The following WDR70 variants were observed in gnomAD, a reference collection of about 807,000 sequenced individuals.
WDR70 encodes the protein WD repeat domain 70.
A neutral mutation model predicts 88.6 loss-of-function variants in WDR70; 53 were observed. The observed-to-expected ratio is 0.60, with a 90% CI of 0.48 to 0.75. The LOEUF (loss-of-function observed/expected upper bound fraction) is 0.75, where lower values mean the gene tolerates loss of function less well. Among genes scored for constraint, WDR70 ranks in the 30% least tolerant of loss-of-function variants. The probability of loss-of-function intolerance (pLI) is 0.00; values close to 1 mark genes in which losing one functional copy is unlikely to be tolerated. For missense variants in WDR70, 610 were observed against 823.2 expected (o/e 0.74, Z 3.17); for synonymous variants, 280 against 270.0 (o/e 1.04, Z -0.36).
In WDR70 at chr5:37,697,740, T is replaced by G. The variant is rs761705532; in HGVS notation, c.1178T>G (p.Leu393Arg). 1 of 1,613,534 alleles carries G rather than the reference T, an allele frequency of 6.2e-7. No homozygotes were observed. Among genetic ancestry groups the G allele is most frequent in the Non-Finnish European group, 8.5e-7 (1 of 1,179,518 alleles). The change falls in exon 11 of 18, where the codon CTT becomes CGT. Residue 393 changes from leucine (L) to arginine (R), a missense_variant. Physicochemically the swap from Leu to Arg is moderately radical, Grantham distance 102 (BLOSUM62 -2). This residue lies in a region of WDR70 where 254 missense variants were observed against 300.7 expected (regional missense o/e 0.84). Coordinates refer to ENST00000265107, the MANE Select transcript of WDR70 (RefSeq NM_018034.4). ...ACTTTTTCCTATGATGGTAATGTCC[T>G]TGCCTCTCGTGGAGGTAGGTTAAAA... is the stretch of plus-strand genomic sequence containing the variant. ...CVTFSYDGNV[L>R]ASRGGDDSLK...
chr5:37,403,658 A>T (rs888299351), intron 5 of WDR70, among the ~76,000 whole-genome samples: 1 of 152,204 alleles, frequency 6.6e-6, no homozygotes, highest in South Asian at 2.1e-4. Flanking sequence ...ATATTGTTGA[A>T]ATTAATGGGG....
At chr5:37,711,082 A>G (rs1747498957) in intron 13 of WDR70, among the ~76,000 whole-genome samples, 1 of 152,112 alleles carries the variant, frequency 6.6e-6, no homozygotes, top group Non-Finnish European at 1.5e-5. Context: ...AACAGTACAG[A>G]TTATAGCAAA....
At chr5:37,468,878 G>C (rs1426774210) in intron 7 of WDR70, among the ~76,000 whole-genome samples, 2 of 152,054 alleles carry the variant, frequency 1.3e-5, no homozygotes, top group Admixed American at 6.6e-5. Flanking sequence ...GAAGTATATG[G>C]GAGGATGTGC....
chr5:37,687,578 T>G (rs1315088324), intron 10 of WDR70, among the ~76,000 whole-genome samples: 2 of 152,188 alleles, frequency 1.3e-5, no homozygotes, highest in African/African-American at 4.8e-5. Flanking sequence ...ATAATGTTCC[T>G]TTAAAGGGAA....
intron 10 of WDR70, among the ~76,000 whole-genome samples, chr5:37,679,681 G>T (rs1746360572): frequency 6.6e-6 from 1 of 152,140 alleles, no homozygotes. Flanking sequence ...GGGGGTCAGG[G>T]ATCAGGCACC....
chr5:37,462,087 T>G (rs1231612500), intron 7 of WDR70, among the ~76,000 whole-genome samples: 2 of 152,136 alleles, frequency 1.3e-5, no homozygotes, highest in East Asian at 3.9e-4. Flanking sequence ...TTATCCTGAT[T>G]TAATATTTTT....
chr5:37,498,201 A>T (rs956372229), intron 8 of WDR70, among the ~76,000 whole-genome samples: 2 of 152,198 alleles, frequency 1.3e-5, no homozygotes, highest in African/African-American at 4.8e-5. Flanking sequence ...ATTTCATGGC[A>T]CTTTGATGGT....
chr5:37,455,472 C>T (rs1330710799), intron 7 of WDR70, among the ~76,000 whole-genome samples: 2 of 151,774 alleles, frequency 1.3e-5, no homozygotes, highest in Non-Finnish European at 2.9e-5. Context: ...GAACTCCTGA[C>T]CTCAGGTGAT....
In WDR70 at chr5:37,392,053, A is replaced by C. The variant is rs1181412515; in HGVS notation, c.229A>C (p.Asn77His). 4 of 1,613,110 alleles carry C rather than the reference A, an allele frequency of 2.5e-6. No individual in the cohort carries two copies. The highest frequency in any genetic ancestry group is 3.4e-6 in the Non-Finnish European group (4 of 1,179,720). The change falls in exon 4 of 18, where the codon AAT (asparagine) becomes CAT (histidine). Residue 77 changes from asparagine (N) to histidine (H), a missense_variant. Physicochemically the swap from Asn to His is moderately conservative, Grantham distance 68. Coordinates refer to ENST00000265107, the MANE Select transcript of WDR70 (RefSeq NM_018034.4). ...MNREKELRRQ[N>H]EDIEPTSSRS... ...CAGAGAGAAAGAATTAAGAAGACAA[A>C]ATGAAGATATTGAGCCAACATCCTC...
At chr5:37,394,276 ACT>A (rs1748939515) in intron 4 of WDR70, among the ~76,000 whole-genome samples, 3 of 133,530 alleles carry the variant, frequency 2.2e-5, no homozygotes, top group African/African-American at 6.6e-5. Flanking sequence ...CTAGAGTGAG[ACT>A]CTGTCTCAAA....
chr5:37,564,086 C>T (rs1742652443), intron 9 of WDR70, among the ~76,000 whole-genome samples: 2 of 150,160 alleles, frequency 1.3e-5, no homozygotes, highest in South Asian at 2.2e-4. Flanking sequence ...AGACGATGGG[C>T]GGCCAGGCAG....
At chr5:37,735,579 T>G (rs1212099638) in intron 17 of WDR70, among the ~76,000 whole-genome samples, 1 of 152,198 alleles carries the variant, frequency 6.6e-6, no homozygotes, top group African/African-American at 2.4e-5. Flanking sequence ...CACCTTGCAT[T>G]TGTTGCATAC....
At chr5:37,531,838 AT>A (rs1741499409) in intron 9 of WDR70, among the ~76,000 whole-genome samples, 1 of 149,918 alleles carries the variant, frequency 6.7e-6, no homozygotes, top group Non-Finnish European at 1.5e-5. Flanking sequence ...TCATTGTGCT[AT>A]TGTTATACAG....
At position 37,505,871 on chromosome 5, in the gene WDR70, G is replaced by A. The variant is rs931348404; in HGVS notation, c.841-10643G>A. The A allele has an allele frequency of 3.7e-6, 5 of 1,366,726 alleles. No homozygotes were observed. The South Asian group carries it at 4.7e-5, about 13-fold the overall frequency. The allele number at this position is 1,366,726 out of a possible 1,614,324, so 84.7% of individuals were successfully genotyped here. A position where few individuals can be genotyped will look rare whatever the true frequency, so the allele number is the denominator to read the frequency against. On this transcript the variant is annotated intron_variant, in intron 8 of 17. Coordinates refer to ENST00000265107, the MANE Select transcript of WDR70 (RefSeq NM_018034.4). ...AATTCTTCAACTTTGCATTTTTTAA[G>A]GTAGCCACTCTCAAGTTAATTCCTG...
chr5:37,660,451 GTT>G (rs369987913), intron 10 of WDR70, among the ~76,000 whole-genome samples: 3 of 144,630 alleles, frequency 2.1e-5, no homozygotes, highest in African/African-American at 7.5e-5. Context: ...TCTCCTTTCA[GTT>G]TTTTTTTTTT....
chr5:37,543,513 A>G (rs754180389), intron 9 of WDR70, among the ~76,000 whole-genome samples: 42 of 151,854 alleles, frequency 2.8e-4, no homozygotes, highest in Non-Finnish European at 5.6e-4. Flanking sequence ...ATATGGAGAG[A>G]AAGAGAGAGA....
At chr5:37,659,171 C>T (rs1432816325) in intron 10 of WDR70, among the ~76,000 whole-genome samples, 1 of 152,112 alleles carries the variant, frequency 6.6e-6, no homozygotes, top group Non-Finnish European at 1.5e-5. Flanking sequence ...TCTAATTCCC[C>T]AGTGGCATAT....
At chr5:37,658,911 G>T (rs1745626985) in intron 10 of WDR70, among the ~76,000 whole-genome samples, 1 of 151,968 alleles carries the variant, frequency 6.6e-6, no homozygotes, top group African/African-American at 2.4e-5. Flanking sequence ...GTCTTCCTAG[G>T]TCCTACTAGA....
chr5:37,611,543 G>C (rs1744191957), intron 10 of WDR70, among the ~76,000 whole-genome samples: 1 of 151,626 alleles, frequency 6.6e-6, no homozygotes, highest in Non-Finnish European at 1.5e-5. Flanking sequence ...AGATTTTGGA[G>C]ATTTTTTTAA....
Sources: gnomAD v4.1 joint callset for allele counts (sites outside exome capture counted in the v4.1 genomes callset) on GRCh38, gnomAD v4.1.1 for gene constraint, gnomAD v4.1.1 regional missense constraint, MANE v1.5 for transcripts, NCBI Gene and HGNC (gene_info 2026-07-23, HGNC 2026-07-21) for gene names.